IGSF6: variants seen among roughly 807,000 people sequenced by gnomAD.
IGSF6 encodes immunoglobulin superfamily member 6.
A neutral mutation model predicts 24.7 loss-of-function variants in IGSF6; 23 were observed. The ratio of observed to expected loss-of-function variants is 0.93; its 90% CI spans 0.67 to 1.32. The LOEUF is 1.32. Among genes scored for constraint, IGSF6 ranks in the 40% most tolerant of loss-of-function variants. The pLI is 0.00. For missense variants in IGSF6, 295 were observed against 293.6 expected (o/e 1.00, Z -0.04); for synonymous variants, 110 against 113.7 (o/e 0.97, Z 0.21).
chr16:21,647,523 G>A, intron 1 of IGSF6, 31 bp from the exon 2 acceptor site: 5 of 1,578,760 alleles, frequency 3.2e-6, no homozygotes, highest in Non-Finnish European at 4.3e-6. Context: ...GTGGGTTAAT[G>A]GGCCTGCCAC....
At chr16:21,645,756 T>C (rs548071196) in intron 2 of IGSF6, among the ~76,000 whole-genome samples, 1 of 152,352 alleles carries the variant, frequency 6.6e-6, no homozygotes, top group Non-Finnish European at 1.5e-5. Flanking sequence ...GCTAATGCAG[T>C]GAGACATACA....
chr16:21,646,729 A>T (rs541657848), intron 2 of IGSF6: 37 of 292,750 alleles, frequency 1.3e-4, no homozygotes, highest in African/African-American at 7.7e-4. Flanking sequence ...ATCTCGGTTC[A>T]CTGCAACCTT....
intron 3 of IGSF6, 113 bp from the exon 4 acceptor site, chr16:21,643,711 A>G: frequency 1.5e-6 from 1 of 656,588 alleles, no homozygotes; most frequent in Non-Finnish European, 2.6e-6. Flanking sequence ...GTGATATACA[A>G]TGAGACTTAA....
At chr16:21,642,951 T>C in intron 5 of IGSF6, 123 bp downstream of exon 5, 3 of 611,788 alleles carry the variant, frequency 4.9e-6, no homozygotes. Context: ...TACATTCTTG[T>C]GAAAGTTCTC....
rs1966234440 is a variant in IGSF6 at position 21,640,649 on chromosome 16, C to T, written c.*885G>A. The T allele has an allele frequency of 6.7e-6, 1 of 149,722 alleles. No individual in the cohort carries two copies. The highest frequency in any genetic ancestry group is 2.5e-5 in the African/African-American group (1 of 40,722). The allele number at this position is 149,722 out of a possible 1,614,324, so 9.3% of individuals were successfully genotyped here. ...GGGCGTGGTGGTGCGTACCTGTAAT[C>T]CCAGCTACTTGGGAAACTGAGGCAG... On this transcript the variant is annotated 3_prime_UTR_variant, in exon 6 of 6. Transcript: ENST00000268389.
At chr16:21,652,443 A>G in intron 1 of IGSF6, 89 bp downstream of exon 1, 1 of 1,009,570 alleles carries the variant, frequency 9.9e-7, no homozygotes. Context: ...TTAAAAATTA[A>G]TCTGAAGGAG....
At position 21,647,300 on chromosome 16, in the gene IGSF6, G is replaced by C; in HGVS notation, c.260C>G (p.Ala87Gly). The C allele has an allele frequency of 3.1e-6, 5 of 1,614,168 alleles. No homozygotes were observed. The highest frequency in any genetic ancestry group is 4.2e-6 in the Non-Finnish European group (5 of 1,180,028). The part of the protein sequence containing the change: ...NLCLDGCKSE[A>G]DKFTVREALK... The stretch of plus-strand genomic sequence containing the variant: ...GGCCTCCCTCACTGTGAACTTGTCT[G>C]CCTCACTTTTGCACCCGTCCAAGCA... Residue 87 changes from alanine to glycine, a missense_variant, in exon 2 of 6, where the codon GCA becomes GGA. Ala to Gly is a moderately conservative substitution (Grantham distance 60). Coordinates refer to ENST00000268389, the MANE Select transcript of IGSF6 (RefSeq NM_005849.4).
Position 21,643,551 on chromosome 16 carries a change from TTG to T in IGSF6, c.580_581del (p.Gln194LysfsTer19), listed in dbSNP as rs753914519. 3.8e-6 allele frequency: 6 copies of T among 1,599,020 alleles called. No individual in the cohort carries two copies. Among genetic ancestry groups the T allele is most frequent in the Admixed American group, 1.7e-5 (1 of 59,290 alleles). ...LRNKEIKEDS[Q>X]KKKSARRIFQ... The stretch of plus-strand genomic sequence containing the variant: ...TTTTTCAAGTGTTGGTCTGTACCTT[TTG>T]TGAGTCTTCTTTTATTTCTTTGTTT... On this transcript the variant is annotated frameshift_variant, in exon 4 of 6. Transcript: ENST00000268389. LOFTEE classifies it high-confidence loss of function.
At chr16:21,650,493 G>A (rs1966541486) in intron 1 of IGSF6, among the ~76,000 whole-genome samples, 1 of 142,140 alleles carries the variant, frequency 7.0e-6, no homozygotes, top group African/African-American at 2.6e-5. Flanking sequence ...GGGTGACAGA[G>A]TGAGACTCTT....
chr16:21,644,626 TA>T (rs1479772710), intron 2 of IGSF6, among the ~76,000 whole-genome samples: 2 of 152,296 alleles, frequency 1.3e-5, no homozygotes, highest in East Asian at 3.9e-4. Flanking sequence ...TTTTAAACAT[TA>T]AAAAAATTCA....
At chr16:21,643,199 A>G in intron 4 of IGSF6, 45 bp from the exon 5 acceptor site, 1 of 1,423,576 alleles carries the variant, frequency 7.0e-7, no homozygotes, top group Non-Finnish European at 9.8e-7. Context: ...TGGGAATATA[A>G]GCGATGATAA....
chr16:21,647,068 G>A (rs1454373), intron 2 of IGSF6, 65 bp downstream of exon 2: 92,881 of 1,602,330 alleles, frequency 0.058, 5,796 homozygotes, highest in East Asian at 0.33. Flanking sequence ...ATGTGAGTGA[G>A]GTAATGATTT....
In IGSF6 at chr16:21,652,441, T is replaced by C. The variant is rs1966601268; in HGVS notation, c.67+91A>G. 8 of 981,896 alleles carry C rather than the reference T, an allele frequency of 8.1e-6. No individual in the cohort carries two copies. The East Asian group carries it at 2.0e-4, about 25-fold the overall frequency. 60.8% of individuals were successfully genotyped at this position (981,896 alleles called of 1,614,324 possible). On this transcript the variant is annotated intron_variant, in intron 1 of 5. Transcript: ENST00000268389. ...TTCATAATGTTATACATTTAAAAATTAATCTGAAGGAGCTTAAAATATAAA... is the reference window on the plus strand; with the variant it reads ...TTCATAATGTTATACATTTAAAAATCAATCTGAAGGAGCTTAAAATATAAA...
intron 5 of IGSF6, chr16:21,642,073 A>G (rs898119585): frequency 2.0e-5 from 3 of 152,184 alleles, no homozygotes; most frequent in African/African-American, 4.8e-5. Flanking sequence ...TTGGCAGCAC[A>G]TACACTAAAA....
chr16:21,651,810 T>C (rs888796322), intron 1 of IGSF6: 1 of 152,206 alleles, frequency 6.6e-6, no homozygotes, highest in Non-Finnish European at 1.5e-5. Context: ...AATTCTTCTT[T>C]AAAATAATGC....
At chr16:21,642,458 C>CT (rs1254974682) in intron 5 of IGSF6, 3 of 152,272 alleles carry the variant, frequency 2.0e-5, no homozygotes, top group Admixed American at 2.0e-4. Context: ...CTTATTTGAG[C>CT]TATCTCATCA....
rs1170691442 is a variant in IGSF6 at position 21,652,587 on chromosome 16, C to T, written c.12G>A (p.Ala4=). The T allele has an allele frequency of 4.3e-6, 7 of 1,609,960 alleles. No individual in the cohort carries two copies. The highest frequency in any genetic ancestry group is 1.6e-4 in the Middle Eastern group (1 of 6,080). MGT[A]SRSNIARHLQ... is the part of the protein sequence containing the mutation. Reference sequence around the variant, plus strand: ...GATGGCGAGCGATGTTGCTTCTGCTCGCAGTCCCCATTTCTGTGTATGCCG... The same window carrying T: ...GATGGCGAGCGATGTTGCTTCTGCTTGCAGTCCCCATTTCTGTGTATGCCG... The change falls in exon 1 of 6, where the codon GCG becomes GCA. Residue 4 remains alanine (A), a synonymous_variant. Coordinates refer to ENST00000268389, the MANE Select transcript of IGSF6 (RefSeq NM_005849.4).
At chr16:21,644,174 A>G (rs1424767055) in intron 3 of IGSF6, 116 bp downstream of exon 3, 3 of 710,972 alleles carry the variant, frequency 4.2e-6, no homozygotes, top group African/African-American at 1.8e-5. Context: ...TGCACAGGAA[A>G]ATGTTAATTA....
intron 3 of IGSF6, 85 bp downstream of exon 3, chr16:21,644,205 A>G (rs1407985505): frequency 1.1e-5 from 11 of 992,572 alleles, no homozygotes; most frequent in East Asian, 9.7e-5. Flanking sequence ...GCTGAGGCCC[A>G]TAACTTGTGG....
Sources: gnomAD v4.1 joint callset for allele counts (sites outside exome capture counted in the v4.1 genomes callset) on GRCh38, gnomAD v4.1.1 for gene constraint, MANE v1.5 for transcripts, NCBI Gene and HGNC (gene_info 2026-07-23, HGNC 2026-07-21) for gene names.